GRK5: variants seen among roughly 807,000 people sequenced by gnomAD.
GRK5 encodes the protein g protein-coupled receptor kinase GRK5.
GRK5 carries 40 observed loss-of-function variants against 78.4 expected under a neutral mutation model. The ratio of observed to expected loss-of-function variants is 0.51; its 90% CI spans 0.40 to 0.66. The LOEUF (loss-of-function observed/expected upper bound fraction) is 0.66. Among genes scored for constraint, GRK5 ranks in the 30% least tolerant of loss-of-function variants. The pLI, the probability that GRK5 is intolerant of heterozygous loss-of-function variation, is 0.00. For missense variants in GRK5, 598 were observed against 759.9 expected, an observed-to-expected ratio of 0.79 and a Z score of 2.50; for synonymous variants, 289 against 296.8, an observed-to-expected ratio of 0.97 and a Z score of 0.27.
At chr10:119,366,451 T>G (rs1414605745) in intron 2 of GRK5, among the ~76,000 whole-genome samples, 1 of 152,172 alleles carries the variant, frequency 6.6e-6, no homozygotes, top group Non-Finnish European at 1.5e-5. Context: ...GCACATCAGT[T>G]ACATGATCAC....
At chr10:119,235,057 C>G (rs1015805804) in intron 1 of GRK5, among the ~76,000 whole-genome samples, 1 of 152,164 alleles carries the variant, frequency 6.6e-6, no homozygotes, top group Non-Finnish European at 1.5e-5. Context: ...TCACTGCAAC[C>G]TCTGCCTTCC....
intron 2 of GRK5, chr10:119,335,004 T>G (rs1406839807): frequency 2.6e-5 from 4 of 151,806 alleles, no homozygotes; most frequent in Admixed American, 2.6e-4. Flanking sequence ...TAGAGGAAAA[T>G]GTAGAATCTT....
chr10:119,249,633 G>T (rs1303266366), intron 1 of GRK5, among the ~76,000 whole-genome samples: 1 of 152,092 alleles, frequency 6.6e-6, no homozygotes, highest in Non-Finnish European at 1.5e-5. Flanking sequence ...AAGTAGCTGG[G>T]ACTACAGGTG....
rs1850793676 is a variant in GRK5 at position 119,332,215 on chromosome 10, T to TC, written c.148+5607dup. On this transcript the variant is annotated intron_variant, in intron 2 of 15. Transcript: ENST00000392870. Reference sequence around the variant, plus strand: ...TCTGCTTCCTGGGCTCAAGCTATCCTCCCACCTCAGCCTCCTGAGTAGCTG... The same window carrying TC: ...TCTGCTTCCTGGGCTCAAGCTATCCTCCCCACCTCAGCCTCCTGAGTAGCTG... Among the ~76,000 whole-genome samples, 8 of 151,114 alleles carry TC rather than the reference T, an allele frequency of 5.3e-5. No homozygotes were observed. The South Asian group carries it at 1.7e-3, about 32-fold the overall frequency.
intron 1 of GRK5, among the ~76,000 whole-genome samples, chr10:119,269,284 C>A (rs191127550): frequency 1.1e-4 from 17 of 152,142 alleles, no homozygotes; most frequent in African/African-American, 3.4e-4. Flanking sequence ...AAACAATAGA[C>A]AATAGTTGTG....
chr10:119,334,894 TCA>T (rs1174143398), intron 2 of GRK5: 1 of 151,652 alleles, frequency 6.6e-6, no homozygotes, highest in Non-Finnish European at 1.5e-5. Context: ...CCCCGAACCC[TCA>T]CAGACAGACA....
intron 2 of GRK5, among the ~76,000 whole-genome samples, chr10:119,362,647 C>T (rs912354731): frequency 6.6e-6 from 1 of 152,230 alleles, no homozygotes; most frequent in African/African-American, 2.4e-5. Context: ...GAGATACGAA[C>T]ACGTGCTTTT....
At chr10:119,418,220 A>G (rs1852502314) in intron 4 of GRK5, among the ~76,000 whole-genome samples, 1 of 152,200 alleles carries the variant, frequency 6.6e-6, no homozygotes, top group Admixed American at 6.5e-5. Context: ...CTCCAGGTGA[A>G]GGGGGCTTTT....
At chr10:119,341,107 A>G (rs1039652760) in intron 2 of GRK5, among the ~76,000 whole-genome samples, 5 of 151,990 alleles carry the variant, frequency 3.3e-5, no homozygotes, top group Non-Finnish European at 7.4e-5. Context: ...CGGCCTCCAC[A>G]GTATCTCCTA....
At chr10:119,410,206 G>C (rs958572233) in intron 4 of GRK5, among the ~76,000 whole-genome samples, 2 of 152,212 alleles carry the variant, frequency 1.3e-5, no homozygotes, top group African/African-American at 4.8e-5. Context: ...TGCTTTTGAC[G>C]TAAAGGGTCG....
At chr10:119,275,604 C>T (rs1015331022) in intron 1 of GRK5, among the ~76,000 whole-genome samples, 1 of 137,156 alleles carries the variant, frequency 7.3e-6, no homozygotes, top group Non-Finnish European at 1.6e-5. Flanking sequence ...CTCTCTCTCT[C>T]TCTCTCTCGC....
chr10:119,410,206 G>A (rs958572233), intron 4 of GRK5, among the ~76,000 whole-genome samples: 1 of 152,330 alleles, frequency 6.6e-6, no homozygotes, highest in South Asian at 2.1e-4. Context: ...TGCTTTTGAC[G>A]TAAAGGGTCG....
At chr10:119,368,025 C>T (rs1018831645) in intron 2 of GRK5, among the ~76,000 whole-genome samples, 1 of 152,256 alleles carries the variant, frequency 6.6e-6, no homozygotes, top group Admixed American at 6.5e-5. Context: ...TGGTCCCTGG[C>T]TTGCCCAGCC....
intron 1 of GRK5, among the ~76,000 whole-genome samples, chr10:119,210,114 T>C (rs1044349069): frequency 6.6e-6 from 1 of 152,248 alleles, no homozygotes; most frequent in African/African-American, 2.4e-5. Flanking sequence ...ATTACAGTGA[T>C]TGAAAGTGCT....
At chr10:119,346,894 C>T (rs185452384) in intron 2 of GRK5, among the ~76,000 whole-genome samples, 319 of 152,302 alleles carry the variant, frequency 2.1e-3, no homozygotes, top group Non-Finnish European at 3.7e-3. Context: ...CTCTCGGGCC[C>T]GTGTGGAGGG....
intron 2 of GRK5, among the ~76,000 whole-genome samples, chr10:119,360,987 G>A (rs1401436425): frequency 6.6e-6 from 1 of 152,180 alleles, no homozygotes; most frequent in African/African-American, 2.4e-5. Context: ...GTCTCTTTGG[G>A]ACAGCAGGTG....
In GRK5 at chr10:119,230,084, G is replaced by A. The variant is rs551439808; in HGVS notation, c.52+22115G>A. 1.6e-4 allele frequency among the ~76,000 whole-genome samples: 24 copies of A among 152,228 alleles called. No individual in the cohort carries two copies. The South Asian group carries it at 5.0e-3, about 32-fold the overall frequency. On this transcript the variant is annotated intron_variant, in intron 1 of 15. Coordinates refer to ENST00000392870, the MANE Select transcript of GRK5 (RefSeq NM_005308.3). Reference sequence around the variant, plus strand: ...CTTGTGGTGGCCCCATTTTTCTGGAGCCTGGAGTAGTTGTGGGGGAGCAGG... The same window carrying A: ...CTTGTGGTGGCCCCATTTTTCTGGAACCTGGAGTAGTTGTGGGGGAGCAGG...
Position 119,253,113 on chromosome 10 carries a change from TCTG to T in GRK5, c.52+45148_52+45150del, listed in dbSNP as rs1849228493. 6.6e-6 allele frequency among the ~76,000 whole-genome samples: 1 copy of T among 152,134 alleles called. No individual in the cohort carries two copies. The highest frequency in any genetic ancestry group is 6.5e-5 in the Admixed American group (1 of 15,270). ...GCTGGTTTCAACCCTGCTGTACTAA[TCTG>T]CTGATGAGGGAGAGTTGGTGGCTCA... On this transcript the variant is annotated intron_variant, in intron 1 of 15. Transcript: ENST00000392870. This position sits in a 1 kb window ranked among gnomAD's most constrained non-coding sequence, Gnocchi z 5.7.
At chr10:119,295,477 A>C (rs564868373) in intron 1 of GRK5, among the ~76,000 whole-genome samples, 99 of 152,348 alleles carry the variant, frequency 6.5e-4, no homozygotes, top group African/African-American at 2.3e-3. Context: ...GTATCTACCC[A>C]GAGGAAAATA....
Sources: gnomAD v4.1 joint callset for allele counts (sites outside exome capture counted in the v4.1 genomes callset) on GRCh38, gnomAD v4.1.1 for gene constraint, Gnocchi (gnomAD v3.1) non-coding constraint, MANE v1.5 for transcripts, NCBI Gene and HGNC (gene_info 2026-07-23, HGNC 2026-07-21) for gene names.